GTF2F2: variants seen among roughly 807,000 people sequenced by gnomAD.
GTF2F2 encodes the protein ATP-dependent helicase GTF2F2.
In GTF2F2, 23 loss-of-function variants were observed where a neutral mutation model predicts 42.2. The ratio of observed to expected loss-of-function variants is 0.55; its 90% CI spans 0.39 to 0.77. The LOEUF (loss-of-function observed/expected upper bound fraction) is 0.77, where lower values mean the gene tolerates loss of function less well. GTF2F2 is among the 30% of genes least tolerant of loss of function. The probability of loss-of-function intolerance (pLI) is 0.00; values close to 1 mark genes in which losing one functional copy is unlikely to be tolerated. For synonymous variants in GTF2F2, 105 were observed against 100.8 expected (o/e 1.04, Z -0.25); for missense variants, 261 against 287.2 (o/e 0.91, Z 0.66).
intron 7 of GTF2F2, among the ~76,000 whole-genome samples, chr13:45,278,321 C>T (rs1034560845): frequency 3.3e-5 from 5 of 152,190 alleles, no homozygotes; most frequent in East Asian, 3.8e-4. Flanking sequence ...CACTTGACCT[C>T]TTTGATCAAG....
At chr13:45,129,914 A>C (rs1368095255) in intron 1 of GTF2F2, among the ~76,000 whole-genome samples, 1 of 152,254 alleles carries the variant, frequency 6.6e-6, no homozygotes, top group Admixed American at 6.5e-5. Context: ...TTAAGCAGGG[A>C]CGTAAAGAAT....
At chr13:45,155,430 G>T (rs2138124949) in intron 4 of GTF2F2, among the ~76,000 whole-genome samples, 1 of 152,280 alleles carries the variant, frequency 6.6e-6, no homozygotes, top group East Asian at 1.9e-4. Context: ...TTTTAGTTCA[G>T]TGTGTTAGGA....
rs894624655 is a variant in GTF2F2 at position 45,184,030 on chromosome 13, A to AT, written c.305-23386dup. ...ACTACCAACCCTGGCTAATTATTGT[A>AT]TTTTTTTTAGAAGAGACAGGATTTC... On this transcript the variant is annotated intron_variant, in intron 4 of 7. Coordinates refer to ENST00000340473, the MANE Select transcript of GTF2F2 (RefSeq NM_004128.3). Among the ~76,000 whole-genome samples the AT allele has an allele frequency of 6.4e-4, 96 of 151,040 alleles. 1 individual carries two copies. Among genetic ancestry groups the AT allele is most frequent in the South Asian group, 4.2e-4 (2 of 4,764 alleles).
chr13:45,171,866 C>CT (rs35742068), intron 4 of GTF2F2, among the ~76,000 whole-genome samples: 9,013 of 140,770 alleles, frequency 0.064, 616 homozygotes, highest in African/African-American at 0.17. Context: ...CTTTTGTGAC[C>CT]TTTTTTTTTT....
chr13:45,186,155 A>G (rs1325721382), intron 4 of GTF2F2, among the ~76,000 whole-genome samples: 4 of 150,332 alleles, frequency 2.7e-5, no homozygotes, highest in Non-Finnish European at 5.9e-5. Context: ...TTATATTTTT[A>G]GTAGAGATGG....
intron 4 of GTF2F2, among the ~76,000 whole-genome samples, chr13:45,189,761 C>T (rs1872555085): frequency 1.3e-5 from 2 of 152,044 alleles, no homozygotes; most frequent in African/African-American, 4.8e-5. Context: ...AGGACATAGG[C>T]ATGAGCAAAG....
rs1008095726 is a variant in GTF2F2, at chr13:45,284,800, T to A, written c.*1239T>A. ...AAACAATTTTTATATTATTTGCTTT[T>A]AGCAGCAAAGCATTAGAATTCTGAG... On this transcript the variant is annotated 3_prime_UTR_variant, in exon 8 of 8. Transcript: ENST00000340473. 1.3e-5 allele frequency: 2 copies of A among 152,264 alleles called. No homozygotes were observed. 9.4% of individuals were successfully genotyped at this position (152,264 alleles called of 1,614,324 possible). A position where few individuals can be genotyped will look rare whatever the true frequency, so the allele number is the denominator to read the frequency against.
chr13:45,243,388 C>T (rs1875419896), intron 5 of GTF2F2, among the ~76,000 whole-genome samples: 1 of 152,152 alleles, frequency 6.6e-6, no homozygotes, highest in South Asian at 2.1e-4. Context: ...TTGTAAACTG[C>T]AACTCCGAGA....
At chr13:45,155,567 A>G (rs1456266989) in intron 4 of GTF2F2, among the ~76,000 whole-genome samples, 1 of 152,220 alleles carries the variant, frequency 6.6e-6, no homozygotes, top group Non-Finnish European at 1.5e-5. Flanking sequence ...AGCGAATTAG[A>G]GGAGACTAAT....
intron 1 of GTF2F2, among the ~76,000 whole-genome samples, chr13:45,123,680 A>G (rs1379943112): frequency 6.6e-6 from 1 of 151,932 alleles, no homozygotes; most frequent in Non-Finnish European, 1.5e-5. Context: ...CTGGGGATAA[A>G]TAGTGTGTTT....
intron 7 of GTF2F2, 101 bp downstream of exon 7, chr13:45,267,477 C>A: frequency 1.3e-6 from 1 of 743,674 alleles, no homozygotes; most frequent in Non-Finnish European, 2.1e-6. Flanking sequence ...TTTACCTATG[C>A]TAATGACTAA....
intron 5 of GTF2F2, among the ~76,000 whole-genome samples, chr13:45,245,569 A>C (rs916367074): frequency 1.3e-5 from 2 of 151,494 alleles, no homozygotes; most frequent in African/African-American, 4.8e-5. Context: ...CATTCTTGAG[A>C]TACTTCACTT....
intron 2 of GTF2F2, among the ~76,000 whole-genome samples, chr13:45,142,148 A>C (rs983168631): frequency 6.6e-6 from 1 of 152,140 alleles, no homozygotes; most frequent in African/African-American, 2.4e-5. Flanking sequence ...TTCCTCAACC[A>C]CAGTTGAAGA....
At chr13:45,131,819 C>T (rs1243745596) in intron 1 of GTF2F2, among the ~76,000 whole-genome samples, 2 of 143,164 alleles carry the variant, frequency 1.4e-5, no homozygotes, top group African/African-American at 2.6e-5. Context: ...GTGGGAGTAT[C>T]GTTGGAGCCC....
At chr13:45,236,546 T>C (rs1392047260) in intron 5 of GTF2F2, among the ~76,000 whole-genome samples, 2 of 150,998 alleles carry the variant, frequency 1.3e-5, no homozygotes, top group Admixed American at 1.3e-4. Flanking sequence ...TGAGGCTCAG[T>C]GTAGATAAGT....
chr13:45,240,010 C>G (rs1346369285), intron 5 of GTF2F2, among the ~76,000 whole-genome samples: 2 of 148,162 alleles, frequency 1.3e-5, no homozygotes, highest in Non-Finnish European at 3.0e-5. Context: ...AGTATTAAGT[C>G]TTTCACTAAG....
chr13:45,275,464 C>T (rs1593531413), intron 7 of GTF2F2, among the ~76,000 whole-genome samples: 1 of 119,092 alleles, frequency 8.4e-6, no homozygotes, highest in East Asian at 2.9e-4. Flanking sequence ...CCCCCCACCC[C>T]ACGACAGGCC....
At chr13:45,213,268 G>C (rs1405738750) in intron 5 of GTF2F2, among the ~76,000 whole-genome samples, 1 of 151,752 alleles carries the variant, frequency 6.6e-6, no homozygotes, top group Admixed American at 6.6e-5. Flanking sequence ...TTTAGTAGAG[G>C]TGGGGTTTCA....
chr13:45,254,629 C>T (rs1349588492), intron 6 of GTF2F2, among the ~76,000 whole-genome samples: 1 of 152,122 alleles, frequency 6.6e-6, no homozygotes, highest in East Asian at 1.9e-4. Flanking sequence ...AGGTGTTGAA[C>T]TTAGGCAGTC....
Sources: gnomAD v4.1 joint callset for allele counts (sites outside exome capture counted in the v4.1 genomes callset) on GRCh38, gnomAD v4.1.1 for gene constraint, MANE v1.5 for transcripts, NCBI Gene and HGNC (gene_info 2026-07-23, HGNC 2026-07-21) for gene names.